The following PAPPA variants were observed in gnomAD, a reference collection of about 807,000 sequenced individuals.
PAPPA encodes the protein pappalysin 1.
PAPPA carries 60 observed loss-of-function variants against 164.0 expected under a neutral mutation model. That is an observed-to-expected ratio of 0.37 (90% CI 0.30 to 0.45). The LOEUF (loss-of-function observed/expected upper bound fraction) is 0.45, where lower values mean the gene tolerates loss of function less well. Among genes scored for constraint, PAPPA ranks in the 20% least tolerant of loss-of-function variants. PAPPA has a pLI of 1.00. For synonymous variants in PAPPA, 875 were observed against 814.1 expected (o/e 1.07, Z -1.27); for missense variants, 1,782 against 2,087.3 (o/e 0.85, Z 2.85).
intron 19 of PAPPA, among the ~76,000 whole-genome samples, chr9:116,374,944 T>C (rs1385563545): frequency 1.3e-5 from 2 of 152,272 alleles, no homozygotes; most frequent in Admixed American, 1.3e-4. Flanking sequence ...CCCTCATTTG[T>C]ATTTGTATCA....
At chr9:116,213,470 C>A (rs1002536949) in intron 4 of PAPPA, among the ~76,000 whole-genome samples, 9 of 152,150 alleles carry the variant, frequency 5.9e-5, no homozygotes, top group Non-Finnish European at 1.3e-4. Context: ...CCACTGGGCT[C>A]CCATTCCCAG....
chr9:116,154,445 C>A lies in PAPPA; in HGVS notation c.273C>A (p.Ser91Arg). Residue 91 changes from serine (S) to arginine (R), a missense_variant, in exon 1 of 22, where the codon AGC becomes AGA. Transcript: ENST00000328252. The surrounding 1 kb of genome is among the most constrained non-coding windows in gnomAD (Gnocchi z 5.2). The stretch of plus-strand genomic sequence containing the variant: ...CGAGGGGCGCCACCGAGGAGCCGAG[C>A]CCGCCGAGCCGGGCGCTCTATTTCA... Reference protein sequence around the residue: ...REARGATEEPSPPSRALYFSG... With the variant: ...REARGATEEPRPPSRALYFSG... 7.8e-7 allele frequency: 1 copy of A among 1,279,242 alleles called. No individual in the cohort carries two copies. Among genetic ancestry groups the A allele is most frequent in the Non-Finnish European group, 9.9e-7 (1 of 1,013,414 alleles). 79.2% of individuals were successfully genotyped at this position (1,279,242 alleles called of 1,614,324 possible). A position where few individuals can be genotyped will look rare whatever the true frequency, so the allele number is the denominator to read the frequency against.
intron 2 of PAPPA, among the ~76,000 whole-genome samples, chr9:116,192,280 C>G (rs930340909): frequency 6.6e-6 from 1 of 152,170 alleles, no homozygotes; most frequent in East Asian, 1.9e-4. Flanking sequence ...GACAGCCAGC[C>G]CATGCAGAGG....
intron 1 of PAPPA, among the ~76,000 whole-genome samples, chr9:116,155,952 T>C (rs570699420): frequency 7.9e-5 from 12 of 152,178 alleles, no homozygotes; most frequent in African/African-American, 2.9e-4. Flanking sequence ...CATTCACTTT[T>C]AACTCGCAAG....
Position 116,352,741 on chromosome 9 carries a change from C to A in PAPPA, c.4000C>A (p.Leu1334Met), listed in dbSNP as rs767863600. ...NSLLTCMEDG[L>M]WSFPEALCEL... ...CCTCCTGACCTGCATGGAGGATGGG[C>A]TGTGGTCCTTCCCAGAGGCCCTGTG... is the stretch of plus-strand genomic sequence containing the variant. The change falls in exon 16 of 22, where the codon CTG becomes ATG. Residue 1334 changes from leucine to methionine, a missense_variant. Around this residue, in one of 2 missense-constraint regions of PAPPA, gnomAD observed 1,324 missense variants for 1,656.9 expected, o/e 0.80. Coordinates refer to ENST00000328252, the MANE Select transcript of PAPPA (RefSeq NM_002581.5). 1 of 1,613,244 alleles carries A rather than the reference C, an allele frequency of 6.2e-7. No homozygotes were observed. Among genetic ancestry groups the A allele is most frequent in the Non-Finnish European group, 8.5e-7 (1 of 1,180,016 alleles).
At chr9:116,380,267 T>C (rs1308526340) in intron 20 of PAPPA, among the ~76,000 whole-genome samples, 3 of 151,812 alleles carry the variant, frequency 2.0e-5, no homozygotes, top group African/African-American at 7.3e-5. Context: ...AGGAATTAAA[T>C]ACATAGGATG....
intron 10 of PAPPA, among the ~76,000 whole-genome samples, chr9:116,322,164 C>T (rs1035044209): frequency 6.6e-6 from 1 of 152,116 alleles, no homozygotes; most frequent in Non-Finnish European, 1.5e-5. Context: ...CGGTGACTCA[C>T]GCCTGTAATC....
At chr9:116,359,943 A>G (rs1428189554) in intron 17 of PAPPA, among the ~76,000 whole-genome samples, 9 of 152,240 alleles carry the variant, frequency 5.9e-5, no homozygotes, top group Non-Finnish European at 1.2e-4. Context: ...TTTGCAACAC[A>G]AAGTGCCAGA....
chr9:116,178,195 C>T (rs746204419), intron 1 of PAPPA, among the ~76,000 whole-genome samples: 1 of 152,198 alleles, frequency 6.6e-6, no homozygotes, highest in Non-Finnish European at 1.5e-5. Context: ...CAATCTCTGC[C>T]TCCTGGGTTC....
intron 21 of PAPPA, among the ~76,000 whole-genome samples, chr9:116,389,593 A>G (rs1463853874): frequency 6.6e-6 from 1 of 151,912 alleles, no homozygotes; most frequent in African/African-American, 2.4e-5. Context: ...ACCCCTTGCT[A>G]TCCTTAGTTC....
At chr9:116,389,359 C>T (rs928119658) in intron 21 of PAPPA, among the ~76,000 whole-genome samples, 4 of 152,112 alleles carry the variant, frequency 2.6e-5, no homozygotes, top group Non-Finnish European at 4.4e-5. Context: ...TCTTGAACTC[C>T]TGACCTCGCA....
chr9:116,274,141 A>G (rs938645237), intron 9 of PAPPA, among the ~76,000 whole-genome samples: 7 of 150,582 alleles, frequency 4.6e-5, no homozygotes, highest in African/African-American at 1.7e-4. Flanking sequence ...TGAAAAAAAA[A>G]CATTGCAAAA....
At chr9:116,349,281 G>T (rs569660737) in intron 15 of PAPPA, among the ~76,000 whole-genome samples, 63 of 152,334 alleles carry the variant, frequency 4.1e-4, no homozygotes, top group African/African-American at 1.5e-3. Context: ...GCTAGAGATG[G>T]ACAAGAACTC....
At chr9:116,200,541 C>T (rs1463236816) in intron 2 of PAPPA, among the ~76,000 whole-genome samples, 1 of 152,140 alleles carries the variant, frequency 6.6e-6, no homozygotes, top group Non-Finnish European at 1.5e-5. Flanking sequence ...TTTTGAAAAG[C>T]TTCAAAAATA....
chr9:116,323,987 G>A (rs1352528512), intron 10 of PAPPA, among the ~76,000 whole-genome samples: 1 of 152,086 alleles, frequency 6.6e-6, no homozygotes, highest in African/African-American at 2.4e-5. Context: ...ACTCCACTCC[G>A]GGGCAGACCT....
At chr9:116,351,608 G>T (rs1846283459) in intron 15 of PAPPA, among the ~76,000 whole-genome samples, 1 of 152,158 alleles carries the variant, frequency 6.6e-6, no homozygotes, top group Non-Finnish European at 1.5e-5. Flanking sequence ...AACCATCTCT[G>T]TAGTTAGACA....
intron 15 of PAPPA, among the ~76,000 whole-genome samples, chr9:116,351,402 A>G (rs986217392): frequency 1.1e-4 from 17 of 152,258 alleles, no homozygotes; most frequent in African/African-American, 4.1e-4. Flanking sequence ...AAAGAAGTTA[A>G]GAAGCAAACG....
intron 13 of PAPPA, 24 bp from the exon 14 acceptor site, chr9:116,344,519 T>G (rs1169888446): frequency 6.2e-7 from 1 of 1,602,734 alleles, no homozygotes; most frequent in South Asian, 1.1e-5. Flanking sequence ...GACTCCTTCT[T>G]CCCCTCGTTT....
chr9:116,269,605 G>T (rs1845114517), intron 8 of PAPPA, among the ~76,000 whole-genome samples: 1 of 152,174 alleles, frequency 6.6e-6, no homozygotes, highest in African/African-American at 2.4e-5. Flanking sequence ...GTCAAATAAG[G>T]TTTCGCAGAA....
Sources: allele counts gnomAD v4.1 joint callset (sites outside exome capture counted in the v4.1 genomes callset), GRCh38; gene constraint gnomAD v4.1.1; regional missense constraint gnomAD v4.1.1; non-coding constraint Gnocchi (gnomAD v3.1); transcripts MANE v1.5; gene names NCBI Gene and HGNC (gene_info 2026-07-23, HGNC 2026-07-21).